TRPM8: variants seen among roughly 807,000 people sequenced by gnomAD.
TRPM8 encodes the protein transient receptor potential cation channel subfamily M member 8, also known as TRPM8 cationic channel.
Under a neutral mutation model 133.7 loss-of-function variants are expected in TRPM8, and 110 were observed. The ratio of observed to expected loss-of-function variants is 0.82; its 90% confidence interval spans 0.70 to 0.96. The LOEUF (loss-of-function observed/expected upper bound fraction) is 0.96. Ranked by LOEUF, TRPM8 falls within the 40% of genes least tolerant of loss-of-function variation. The pLI is 0.00. For missense variants in TRPM8, 1,291 were observed against 1,379.5 expected (o/e 0.94, Z 1.02); for synonymous variants, 535 against 532.3 (o/e 1.01, Z -0.07).
intron 6 of TRPM8, 56 bp downstream of exon 6, chr2:233,942,804 T>G: frequency 6.2e-7 from 1 of 1,605,568 alleles, no homozygotes; most frequent in Non-Finnish European, 8.5e-7. Context: ...GACCATGGCA[T>G]GGGCCTGTGG....
chr2:234,012,475 G>C (rs1244883635), intron 24 of TRPM8, among the ~76,000 whole-genome samples: 1 of 73,276 alleles, frequency 1.4e-5, no homozygotes, highest in Non-Finnish European at 2.5e-5. Flanking sequence ...GTGTGTGTGA[G>C]AGTGTGTGTG....
intron 9 of TRPM8, among the ~76,000 whole-genome samples, chr2:233,951,617 A>G (rs1448371196): frequency 6.6e-6 from 1 of 152,192 alleles, no homozygotes; most frequent in African/African-American, 2.4e-5. Flanking sequence ...AAATAGGCTA[A>G]AAGGCACATT....
chr2:233,969,620 G>C (rs1691658502), intron 15 of TRPM8, 75 bp from the exon 16 acceptor site: 1 of 874,314 alleles, frequency 1.1e-6, no homozygotes, highest in South Asian at 1.4e-5. Context: ...GTGGGGCGGG[G>C]AAGAAAGTTT....
intron 17 of TRPM8, among the ~76,000 whole-genome samples, chr2:233,974,830 C>T (rs1477594550): frequency 6.6e-6 from 1 of 152,006 alleles, no homozygotes; most frequent in Non-Finnish European, 1.5e-5. Flanking sequence ...ACACTGGATT[C>T]ATAGCCTGGT....
chr2:233,964,866 C>A, intron 14 of TRPM8, 109 bp downstream of exon 14: 1 of 1,210,738 alleles, frequency 8.3e-7, no homozygotes, highest in Non-Finnish European at 1.1e-6. Context: ...CATGTCCAAG[C>A]TCCCCAGTCT....
Position 233,985,801 on chromosome 2 carries a change from C to T in TRPM8, c.2875C>T (p.Leu959=), listed in dbSNP as rs377299071. The T allele has an allele frequency of 1.2e-6, 2 of 1,614,102 alleles. No homozygotes were observed. The highest frequency in any genetic ancestry group is 1.3e-5 in the African/African-American group (1 of 74,928). ...GTTCCCCGAGTGGATCACCATCCCC[C>T]TGGTGTGCATCTACATGTTATCCAC... ...PRFPEWITIP[L]VCIYMLSTNI... Residue 959 remains leucine, a synonymous_variant, in exon 21 of 26, where the codon CTG becomes TTG. Coordinates refer to ENST00000324695, the MANE Select transcript of TRPM8 (RefSeq NM_024080.5).
chr2:233,981,649 G>A, intron 18 of TRPM8, 125 bp from the exon 19 acceptor site: 1 of 893,778 alleles, frequency 1.1e-6, no homozygotes, highest in Non-Finnish European at 1.7e-6. Flanking sequence ...GGTGTTTCTG[G>A]CCTATTTTCA....
chr2:234,005,767 T>A (rs1376373825), intron 22 of TRPM8, among the ~76,000 whole-genome samples: 1 of 151,942 alleles, frequency 6.6e-6, no homozygotes, highest in Non-Finnish European at 1.5e-5. Flanking sequence ...AAAAATTAGC[T>A]GGGTTTGGTG....
chr2:233,962,261 G>A (rs151092842), intron 12 of TRPM8, among the ~76,000 whole-genome samples: 11 of 152,216 alleles, frequency 7.2e-5, no homozygotes, highest in African/African-American at 1.9e-4. Flanking sequence ...ACTCTTTGCC[G>A]AAAGTTTGTC....
chr2:233,927,795 C>T (rs1334799566), intron 2 of TRPM8, among the ~76,000 whole-genome samples: 1 of 44,666 alleles, frequency 2.2e-5, no homozygotes, highest in Non-Finnish European at 3.4e-5. Context: ...TCTTTCTTTT[C>T]TTTCCTTCCT....
intron 10 of TRPM8, among the ~76,000 whole-genome samples, chr2:233,954,314 GC>G (rs1376311216): frequency 1.3e-5 from 2 of 152,188 alleles, no homozygotes; most frequent in East Asian, 3.9e-4. Flanking sequence ...TTTTTATTGG[GC>G]CTCAGATTCC....
intron 21 of TRPM8, among the ~76,000 whole-genome samples, chr2:233,994,218 A>G (rs1451585533): frequency 6.6e-6 from 1 of 152,204 alleles, no homozygotes; most frequent in Non-Finnish European, 1.5e-5. Flanking sequence ...TTGCAGCCGC[A>G]GAAACATGCA....
At chr2:233,926,146 A>T (rs183767737) in intron 1 of TRPM8, among the ~76,000 whole-genome samples, 1 of 152,124 alleles carries the variant, frequency 6.6e-6, no homozygotes, top group African/African-American at 2.4e-5. Flanking sequence ...CTTCATCCTC[A>T]ATTCATTACT....
intron 1 of TRPM8, among the ~76,000 whole-genome samples, chr2:233,924,234 T>C (rs778640844): frequency 6.6e-5 from 10 of 152,198 alleles, no homozygotes; most frequent in Non-Finnish European, 1.3e-4. Context: ...CTTTGCCCAT[T>C]GTTTCCAGGG....
At chr2:233,978,271 G>A (rs1574752853) in intron 17 of TRPM8, among the ~76,000 whole-genome samples, 1 of 149,404 alleles carries the variant, frequency 6.7e-6, no homozygotes, top group South Asian at 2.1e-4. Context: ...TTCTTTGTTA[G>A]TCTCCCTACG....
intron 25 of TRPM8, 102 bp downstream of exon 25, chr2:234,014,756 T>A: frequency 4.1e-6 from 2 of 483,014 alleles, no homozygotes; most frequent in Non-Finnish European, 7.2e-6. Context: ...TTTCCATAAA[T>A]TACCAAATTT....
At chr2:234,015,982 G>A (rs772199032) in intron 25 of TRPM8, among the ~76,000 whole-genome samples, 7 of 152,188 alleles carry the variant, frequency 4.6e-5, no homozygotes, top group Non-Finnish European at 1.0e-4. Context: ...ATAATCAGAA[G>A]AGAGTCAGAT....
At chr2:234,003,443 G>A (rs1692618501) in intron 22 of TRPM8, among the ~76,000 whole-genome samples, 1 of 152,182 alleles carries the variant, frequency 6.6e-6, no homozygotes, top group Non-Finnish European at 1.5e-5. Context: ...AGCACAAAAA[G>A]TCTTTATATC....
intron 15 of TRPM8, among the ~76,000 whole-genome samples, chr2:233,967,881 G>C (rs567911816): frequency 1.3e-5 from 2 of 152,208 alleles, no homozygotes; most frequent in South Asian, 2.1e-4. Flanking sequence ...TATCTCGCTT[G>C]TGTCCCAGAA....
Sources: gnomAD v4.1 joint callset for allele counts (sites outside exome capture counted in the v4.1 genomes callset) on GRCh38, gnomAD v4.1.1 for gene constraint, MANE v1.5 for transcripts, NCBI Gene and HGNC (gene_info 2026-07-23, HGNC 2026-07-21) for gene names.